Variants in JPH1 observed in about 807,000 individuals in gnomAD.
JPH1 encodes junctophilin-1.
Under a neutral mutation model 53.6 loss-of-function variants are expected in JPH1, and 12 were observed. The ratio of observed to expected loss-of-function variants is 0.22; its 90% CI spans 0.14 to 0.36. JPH1 has a LOEUF of 0.36. Among genes scored for constraint, JPH1 ranks in the 10% least tolerant of loss-of-function variants. The pLI is 1.00. For synonymous variants in JPH1, 375 were observed against 363.8 expected, an observed-to-expected ratio of 1.03 and a Z score of -0.35; for missense variants, 808 against 905.5, an observed-to-expected ratio of 0.89 and a Z score of 1.38.
At chr8:74,248,526 ATGTTGATAC>A (rs1805932434) in intron 3 of JPH1, among the ~76,000 whole-genome samples, 1 of 152,202 alleles carries the variant, frequency 6.6e-6, no homozygotes, top group South Asian at 2.1e-4. Flanking sequence ...TGCTAGCAAT[ATGTTGATAC>A]TGCTTGCATT....
chr8:74,287,794 ACAGTTG>A (rs1284228505), intron 2 of JPH1, among the ~76,000 whole-genome samples: 1 of 152,142 alleles, frequency 6.6e-6, no homozygotes, highest in Non-Finnish European at 1.5e-5. Context: ...CTGGTAACAA[ACAGTTG>A]CATTCAAAAC....
chr8:74,302,965 A>G (rs1002757423), intron 2 of JPH1, among the ~76,000 whole-genome samples: 2 of 152,184 alleles, frequency 1.3e-5, no homozygotes, highest in East Asian at 1.9e-4. Flanking sequence ...AAAAGAAAAA[A>G]AAAAAAAAAA....
At chr8:74,301,560 A>G (rs1586768603) in intron 2 of JPH1, among the ~76,000 whole-genome samples, 1 of 152,020 alleles carries the variant, frequency 6.6e-6, no homozygotes, top group African/African-American at 2.4e-5. Flanking sequence ...CCACTATCCA[A>G]CTGCTTGCAG....
intron 2 of JPH1, among the ~76,000 whole-genome samples, chr8:74,314,150 T>C (rs1257654641): frequency 6.6e-6 from 1 of 152,206 alleles, no homozygotes; most frequent in East Asian, 1.9e-4. Flanking sequence ...TGTCAGGTTG[T>C]CAGGTTCCCT....
chr8:74,295,962 C>T (rs1586764542), intron 2 of JPH1, among the ~76,000 whole-genome samples: 1 of 147,722 alleles, frequency 6.8e-6, no homozygotes, highest in African/African-American at 2.5e-5. Context: ...CTTTCAGTTA[C>T]GAATAATCAC....
chr8:74,266,611 T>C (rs1380933013), intron 2 of JPH1, among the ~76,000 whole-genome samples: 2 of 152,170 alleles, frequency 1.3e-5, no homozygotes, highest in Non-Finnish European at 2.9e-5. Context: ...GTTCTGAAGA[T>C]TGGTTGCACA....
At chr8:74,256,678 A>G (rs147563026) in intron 3 of JPH1, among the ~76,000 whole-genome samples, 2,139 of 152,348 alleles carry the variant, frequency 0.014, 66 homozygotes, top group African/African-American at 0.049. Context: ...ATCACTGTTC[A>G]TTAGAGAAAT....
intron 2 of JPH1, among the ~76,000 whole-genome samples, chr8:74,286,064 G>A (rs572311916): frequency 3.9e-4 from 59 of 152,216 alleles, no homozygotes; most frequent in Admixed American, 2.6e-3. Context: ...CAAGAACCTG[G>A]TCTATTTAAA....
In JPH1 at chr8:74,259,487, C is replaced by T. The variant is rs1440049998; in HGVS notation, c.1156G>A (p.Ala386Thr). ...IANSRTAHAR[A>T]KADAADQAAL... ...GCCTGGTCGGCGGCATCGGCCTTCG[C>T]TCTGGCATGTGCAGTCCTACACGGG... The change falls in exon 3 of 6, where the codon GCG becomes ACG. Residue 386 changes from alanine (A) to threonine (T), a missense_variant. By Grantham distance (58) the Ala-to-Thr change is moderately conservative. Around this residue, in one of 2 missense-constraint regions of JPH1, gnomAD observed 756 missense variants for 811.9 expected, o/e 0.93. Transcript: ENST00000342232. 2 of 1,610,128 alleles carry T rather than the reference C, an allele frequency of 1.2e-6. No individual in the cohort carries two copies. Among genetic ancestry groups the T allele is most frequent in the Non-Finnish European group, 8.5e-7 (1 of 1,177,588 alleles).
At chr8:74,275,784 T>C (rs1474463970) in intron 2 of JPH1, among the ~76,000 whole-genome samples, 1 of 152,162 alleles carries the variant, frequency 6.6e-6, no homozygotes, top group African/African-American at 2.4e-5. Context: ...TCAGTTTTTC[T>C]TCACAGAACA....
intron 3 of JPH1, among the ~76,000 whole-genome samples, chr8:74,250,416 A>C (rs1239473330): frequency 2.6e-5 from 4 of 152,202 alleles, no homozygotes; most frequent in Non-Finnish European, 5.9e-5. Flanking sequence ...TACAGGCATG[A>C]GCCACTGTGC....
intron 2 of JPH1, among the ~76,000 whole-genome samples, chr8:74,278,986 C>G (rs66824243): frequency 4.9e-4 from 40 of 82,210 alleles, no homozygotes; most frequent in African/African-American, 1.4e-3. Flanking sequence ...CACGCACACG[C>G]GCGCACACAC....
At chr8:74,266,605 T>C (rs1228691247) in intron 2 of JPH1, among the ~76,000 whole-genome samples, 1 of 152,218 alleles carries the variant, frequency 6.6e-6, no homozygotes, top group Admixed American at 6.5e-5. Flanking sequence ...GAAAATGTTC[T>C]GAAGATTGGT....
chr8:74,303,551 T>C (rs1334420977), intron 2 of JPH1, among the ~76,000 whole-genome samples: 2 of 152,128 alleles, frequency 1.3e-5, no homozygotes, highest in Non-Finnish European at 2.9e-5. Flanking sequence ...GCCCAACACA[T>C]AGGCTATCAC....
intron 2 of JPH1, among the ~76,000 whole-genome samples, chr8:74,297,957 A>G (rs1807568917): frequency 6.6e-6 from 1 of 152,250 alleles, no homozygotes; most frequent in Non-Finnish European, 1.5e-5. Flanking sequence ...TTGTCTTAAT[A>G]GTAGCACAAA....
chr8:74,315,465 C>G lies in JPH1; in HGVS notation c.535G>C (p.Ala179Pro), dbSNP rs1465388391. 6.2e-7 allele frequency: 1 copy of G among 1,607,766 alleles called. No individual in the cohort carries two copies. The highest frequency in any genetic ancestry group is 2.2e-5 in the East Asian group (1 of 44,736). Residue 179 changes from alanine (A) to proline (P), a missense_variant, in exon 2 of 6, where the codon GCC (alanine) becomes CCC (proline). Physicochemically the swap from Ala to Pro is conservative, Grantham distance 27 (BLOSUM62 -1). Coordinates refer to ENST00000342232, the MANE Select transcript of JPH1 (RefSeq NM_020647.4). The surrounding 1 kb of genome is among the most constrained non-coding windows in gnomAD (Gnocchi z 6.3). ...GCCGGGCTGTCGGCGGCGGCTGCGG[C>G]GTCGTGGAGCACGCTGCCATTGCTC... Reference protein sequence around the residue: ...EQSNGSVLHDAAAAADSPAGT... With the variant: ...EQSNGSVLHDPAAAADSPAGT...
intron 2 of JPH1, among the ~76,000 whole-genome samples, chr8:74,308,984 T>C (rs977597601): frequency 6.6e-6 from 1 of 152,218 alleles, no homozygotes; most frequent in African/African-American, 2.4e-5. Flanking sequence ...AGGAAAAGTA[T>C]GTATCGTTTT....
At chr8:74,247,864 C>T (rs1239539512) in intron 3 of JPH1, among the ~76,000 whole-genome samples, 2 of 152,052 alleles carry the variant, frequency 1.3e-5, no homozygotes, top group East Asian at 3.9e-4. Context: ...TAAATATATA[C>T]AACTATAACT....
At chr8:74,259,357 C>G (rs747406401) in intron 3 of JPH1, 28 bp downstream of exon 3, 3 of 1,519,898 alleles carry the variant, frequency 2.0e-6, no homozygotes, top group Non-Finnish European at 2.7e-6. Context: ...GTGCTCCTGC[C>G]TCACCCATCA....
Sources: allele counts gnomAD v4.1 joint callset (sites outside exome capture counted in the v4.1 genomes callset), GRCh38; gene constraint gnomAD v4.1.1; regional missense constraint gnomAD v4.1.1; non-coding constraint Gnocchi (gnomAD v3.1); transcripts MANE v1.5; gene names NCBI Gene and HGNC (gene_info 2026-07-23, HGNC 2026-07-21).